MCTP2: variants seen among roughly 807,000 people sequenced by gnomAD.
MCTP2 encodes multiple C2 and transmembrane domain containing 2, also known as multiple C2 and transmembrane domain-containing protein 2.
A neutral mutation model predicts 111.6 loss-of-function variants in MCTP2; 132 were observed. The observed-to-expected ratio is 1.18, with a 90% CI of 1.03 to 1.37. The LOEUF (loss-of-function observed/expected upper bound fraction) is 1.37, where lower values mean the gene tolerates loss of function less well. Among genes scored for constraint, MCTP2 ranks in the 40% most tolerant of loss-of-function variants. The pLI is 0.00. For missense variants in MCTP2, 1,183 were observed against 1,067.9 expected (o/e 1.11, Z -1.50); for synonymous variants, 395 against 387.7 (o/e 1.02, Z -0.22).
intron 1 of MCTP2, among the ~76,000 whole-genome samples, chr15:94,267,587 G>T (rs1022561730): frequency 6.6e-6 from 1 of 152,030 alleles, no homozygotes; most frequent in African/African-American, 2.4e-5. Context: ...GAGATTGCTG[G>T]ATCATATAAG....
intron 17 of MCTP2, among the ~76,000 whole-genome samples, chr15:94,435,491 G>A (rs1048327113): frequency 5.9e-5 from 9 of 151,652 alleles, no homozygotes; most frequent in Non-Finnish European, 1.0e-4. Context: ...AAATGATTTC[G>A]ATATTTTAAT....
intron 12 of MCTP2, among the ~76,000 whole-genome samples, chr15:94,374,580 T>C (rs1427595253): frequency 6.6e-6 from 1 of 152,162 alleles, no homozygotes; most frequent in African/African-American, 2.4e-5. Flanking sequence ...AAAAAGTGGG[T>C]TCATATAGCT....
chr15:94,231,440 C>A (rs1283626089), upstream of MCTP2: 3 of 152,220 alleles, frequency 2.0e-5, no homozygotes, highest in African/African-American at 7.2e-5. Context: ...GCGCTTGGGT[C>A]GGAGGCTGCT....
intron 1 of MCTP2, among the ~76,000 whole-genome samples, chr15:94,247,247 A>C (rs1407636784): frequency 6.6e-6 from 1 of 152,160 alleles, no homozygotes; most frequent in Admixed American, 6.5e-5. Context: ...CATTGGATGC[A>C]CATCAGTCAG....
At chr15:94,330,936 T>C (rs2077106598) in intron 4 of MCTP2, among the ~76,000 whole-genome samples, 1 of 152,094 alleles carries the variant, frequency 6.6e-6, no homozygotes, top group Non-Finnish European at 1.5e-5. Flanking sequence ...GATTTTGCCA[T>C]GTTGCCCAGG....
At chr15:94,257,191 A>C (rs1438842515) in intron 1 of MCTP2, among the ~76,000 whole-genome samples, 1 of 152,052 alleles carries the variant, frequency 6.6e-6, no homozygotes, top group East Asian at 1.9e-4. Context: ...AGTGTTTCTC[A>C]TTCTTGTCAC....
chr15:94,307,389 A>G (rs1596318500), intron 2 of MCTP2, among the ~76,000 whole-genome samples: 1 of 152,140 alleles, frequency 6.6e-6, no homozygotes, highest in African/African-American at 2.4e-5. Flanking sequence ...TAGCTAGAGA[A>G]AAGCCTTCCA....
intron 14 of MCTP2, among the ~76,000 whole-genome samples, 171 bp from the exon 15 acceptor site, chr15:94,398,790 C>T (rs1460386421): frequency 6.6e-6 from 1 of 152,320 alleles, no homozygotes; most frequent in Admixed American, 6.5e-5. Context: ...CTTGTTATAA[C>T]AGCACTCTAA....
chr15:94,467,069 G>T (rs1424170606), intron 20 of MCTP2, among the ~76,000 whole-genome samples: 1 of 152,090 alleles, frequency 6.6e-6, no homozygotes, highest in Non-Finnish European at 1.5e-5. Flanking sequence ...CTTTATAAAT[G>T]ATTTATATGT....
At chr15:94,292,429 CAG>C (rs2152327096) in intron 1 of MCTP2, among the ~76,000 whole-genome samples, 1 of 152,226 alleles carries the variant, frequency 6.6e-6, no homozygotes, top group East Asian at 1.9e-4. Flanking sequence ...TAGGAAGTTA[CAG>C]GATACAAAGC....
At chr15:94,345,192 C>G in intron 8 of MCTP2, 28 bp downstream of exon 8, 1 of 1,601,462 alleles carries the variant, frequency 6.2e-7, no homozygotes, top group African/African-American at 1.3e-5. Flanking sequence ...TCCTTTAGAT[C>G]ATTTGGTTAA....
At chr15:94,368,850 A>G (rs576162957) in intron 11 of MCTP2, among the ~76,000 whole-genome samples, 2 of 152,384 alleles carry the variant, frequency 1.3e-5, no homozygotes, top group South Asian at 2.1e-4. Context: ...AGATACCATC[A>G]TAATGCCTGC....
chr15:94,441,832 G>A (rs1160877339), intron 18 of MCTP2, among the ~76,000 whole-genome samples: 1 of 152,140 alleles, frequency 6.6e-6, no homozygotes, highest in Non-Finnish European at 1.5e-5. Context: ...TTACCTTCCT[G>A]TTTATCCATT....
At chr15:94,260,254 A>G (rs17629669) in intron 1 of MCTP2, among the ~76,000 whole-genome samples, 7,326 of 152,190 alleles carry the variant, frequency 0.048, 214 homozygotes, top group Non-Finnish European at 0.057. Flanking sequence ...TGGGCTTGCC[A>G]TGGTGCATTC....
chr15:94,334,699 C>T (rs1378313483), intron 4 of MCTP2, among the ~76,000 whole-genome samples: 1 of 151,826 alleles, frequency 6.6e-6, no homozygotes, highest in East Asian at 1.9e-4. Flanking sequence ...CCACAACCAG[C>T]TAATTTTTTG....
chr15:94,319,149 TGCTCTG>T (rs1396708247), intron 4 of MCTP2, among the ~76,000 whole-genome samples: 8 of 152,244 alleles, frequency 5.3e-5, no homozygotes, highest in East Asian at 1.9e-4. Flanking sequence ...TGCCTTCCTA[TGCTCTG>T]ACTATGTCAA....
At chr15:94,351,819 G>A (rs1288490996) in intron 8 of MCTP2, among the ~76,000 whole-genome samples, 1 of 152,198 alleles carries the variant, frequency 6.6e-6, no homozygotes, top group Non-Finnish European at 1.5e-5. Context: ...CTAGTTGAAT[G>A]TAATCTTGCT....
At chr15:94,448,761 T>C (rs1431273894) in intron 19 of MCTP2, among the ~76,000 whole-genome samples, 1 of 152,232 alleles carries the variant, frequency 6.6e-6, no homozygotes, top group Non-Finnish European at 1.5e-5. Flanking sequence ...CATTGGACAT[T>C]GCATCCTGAT....
Position 94,265,721 on chromosome 15 carries a change from A to T in MCTP2, c.-65-32480A>T, listed in dbSNP as rs549957069. Among the ~76,000 whole-genome samples the T allele has an allele frequency of 3.9e-5, 6 of 152,316 alleles. No individual in the cohort carries two copies. The South Asian group carries it at 1.2e-3, about 32-fold the overall frequency. Reference sequence around the variant, plus strand: ...GGGTAAATTGTATATTATATAAATTATCTTAATGAAGCCTTTTTAAAAAGG... The same window carrying T: ...GGGTAAATTGTATATTATATAAATTTTCTTAATGAAGCCTTTTTAAAAAGG... On this transcript the variant is annotated intron_variant, in intron 1 of 22. Transcript: ENST00000357742.
Sources: gnomAD v4.1 joint callset for allele counts (sites outside exome capture counted in the v4.1 genomes callset) on GRCh38, gnomAD v4.1.1 for gene constraint, MANE v1.5 for transcripts, NCBI Gene and HGNC (gene_info 2026-07-23, HGNC 2026-07-21) for gene names.